TFR2: variants seen among roughly 807,000 people sequenced by gnomAD.
The protein encoded by TFR2 is transferrin receptor 2.
A neutral mutation model predicts 91.9 loss-of-function variants in TFR2; 64 were observed. The ratio of observed to expected loss-of-function variants is 0.70; its 90% CI spans 0.57 to 0.86. The LOEUF (loss-of-function observed/expected upper bound fraction) is 0.86. Ranked by LOEUF, TFR2 falls within the 40% of genes least tolerant of loss-of-function variation. The probability of loss-of-function intolerance (pLI) is 0.00; values close to 1 mark genes in which losing one functional copy is unlikely to be tolerated. For missense variants in TFR2, 950 were observed against 1,080.5 expected, an observed-to-expected ratio of 0.88 and a Z score of 1.69; for synonymous variants, 454 against 459.6, an observed-to-expected ratio of 0.99 and a Z score of 0.15.
At chr7:100,623,981 G>T (rs1333490960) in intron 17 of TFR2, among the ~76,000 whole-genome samples, 1 of 150,918 alleles carries the variant, frequency 6.6e-6, no homozygotes, top group Non-Finnish European at 1.5e-5. Flanking sequence ...ACTTGAACCC[G>T]ACAGGCAGAG....
rs149160927 is a variant in TFR2, at chr7:100,637,016, A to T, written c.474-3460T>A. 1.1e-4 allele frequency among the ~76,000 whole-genome samples: 17 copies of T among 152,348 alleles called. No homozygotes were observed. In the East Asian group the frequency reaches 3.3e-3, roughly 29 times the overall value. ...CACCATGGCTTACGCCTGTAATCCAAGAAATTTGGGAGGCCAAGGTAGGAG... is the reference window on the plus strand; with the variant it reads ...CACCATGGCTTACGCCTGTAATCCATGAAATTTGGGAGGCCAAGGTAGGAG... On this transcript the variant is annotated intron_variant, in intron 3 of 17. Coordinates refer to ENST00000223051, the MANE Select transcript of TFR2 (RefSeq NM_003227.4).
chr7:100,628,286 G>T lies in TFR2; in HGVS notation c.1411C>A (p.Leu471Ile). Residue 471 changes from leucine to isoleucine, a missense_variant, in exon 11 of 18, where the codon CTC becomes ATC. Leu to Ile is a conservative substitution (Grantham distance 5, BLOSUM62 2). Coordinates refer to ENST00000223051, the MANE Select transcript of TFR2 (RefSeq NM_003227.4). ...VSNGFRPRRS[L>I]LFISWDGGDF... ...CCACCGTCCCAGCTGATGAAGAGGAGACTTCTGCGGGGCCGGAAGCCTGGG... is the reference window on the plus strand; with the variant it reads ...CCACCGTCCCAGCTGATGAAGAGGATACTTCTGCGGGGCCGGAAGCCTGGG... The T allele has an allele frequency of 6.2e-7, 1 of 1,613,938 alleles. No individual in the cohort carries two copies. Among genetic ancestry groups the T allele is most frequent in the South Asian group, 1.1e-5 (1 of 91,072 alleles).
At chr7:100,629,053 G>A (rs1803352650) in intron 10 of TFR2, among the ~76,000 whole-genome samples, 200 bp downstream of exon 10, 1 of 152,162 alleles carries the variant, frequency 6.6e-6, no homozygotes, top group Admixed American at 6.5e-5. Flanking sequence ...GTGAGCTACC[G>A]CACCCGGCCT....
Position 100,630,856 on chromosome 7 carries a change from C to G in TFR2, c.1270+33G>C. ...GGGCAGAAATTCCCCCAGCCCACCACCAGCTGTGAGTGATACTGGACACAC... is the reference window on the plus strand; with the variant it reads ...GGGCAGAAATTCCCCCAGCCCACCAGCAGCTGTGAGTGATACTGGACACAC... On this transcript the variant is annotated intron_variant, in intron 9 of 17. Transcript: ENST00000223051. 5.0e-6 allele frequency: 8 copies of G among 1,611,806 alleles called. No homozygotes were observed. In the South Asian group the frequency reaches 7.7e-5, roughly 16 times the overall value.
chr7:100,624,094 C>G (rs1373262244), intron 17 of TFR2, among the ~76,000 whole-genome samples: 1 of 151,724 alleles, frequency 6.6e-6, no homozygotes, highest in Non-Finnish European at 1.5e-5. Flanking sequence ...ATAAAAACTC[C>G]CCTTTGCTCA....
At position 100,633,302 on chromosome 7, in the gene TFR2, C is replaced by A. The variant is rs766505565; in HGVS notation, c.653G>T (p.Gly218Val). ...PNTLHWVDEA[G>V]KVGEQLPLED... ...CAGCGGCAGCTGCTCTCCGACCTTC[C>A]CGGCCTCATCGACCCAGTGCAGGGT... Residue 218 changes from glycine to valine, a missense_variant, in exon 5 of 18, where the codon GGG becomes GTG. By Grantham distance (109) the Gly-to-Val change is moderately radical. Transcript: ENST00000223051. 4 of 1,613,580 alleles carry A rather than the reference C, an allele frequency of 2.5e-6. No individual in the cohort carries two copies. In the South Asian group the frequency reaches 4.4e-5, roughly 18 times the overall value.
intron 17 of TFR2, among the ~76,000 whole-genome samples, chr7:100,621,356 C>T (rs577796164): frequency 6.6e-6 from 1 of 152,248 alleles, no homozygotes; most frequent in African/African-American, 2.4e-5. Flanking sequence ...AGCGTTCAAG[C>T]GATTCTCCTG....
chr7:100,636,170 CTTTTTT>C (rs10584926), intron 3 of TFR2, among the ~76,000 whole-genome samples: 2 of 85,732 alleles, frequency 2.3e-5, no homozygotes, highest in African/African-American at 5.0e-5. Context: ...CACCCTGCAT[CTTTTTT>C]TTTTTTTTTT....
chr7:100,633,639 C>T lies in TFR2; in HGVS notation c.474-83G>A, dbSNP rs527732744. Reference sequence around the variant, plus strand: ...GAAGGATGCCAGAGACGTGGGGTCGCCAGGGGCAGGGGCGGCGAGGGGTTC... The same window carrying T: ...GAAGGATGCCAGAGACGTGGGGTCGTCAGGGGCAGGGGCGGCGAGGGGTTC... On this transcript the variant is annotated intron_variant, in intron 3 of 17. Transcript: ENST00000223051. 6 of 1,478,022 alleles carry T rather than the reference C, an allele frequency of 4.1e-6. No individual in the cohort carries two copies. In the South Asian group the frequency reaches 7.8e-5, roughly 19 times the overall value. 91.6% of individuals were successfully genotyped at this position (1,478,022 alleles called of 1,614,324 possible). A position where few individuals can be genotyped will look rare whatever the true frequency, so the allele number is the denominator to read the frequency against.
At chr7:100,638,207 G>A (rs1803615907) in intron 3 of TFR2, among the ~76,000 whole-genome samples, 1 of 151,974 alleles carries the variant, frequency 6.6e-6, no homozygotes, top group Non-Finnish European at 1.5e-5. Context: ...GTTTCACCAT[G>A]TTAGCCAGGA....
At chr7:100,635,231 C>T (rs1338564309) in intron 3 of TFR2, among the ~76,000 whole-genome samples, 1 of 151,282 alleles carries the variant, frequency 6.6e-6, no homozygotes, top group Non-Finnish European at 1.5e-5. Context: ...TGAGCCATGG[C>T]GCCCGGCCCC....
chr7:100,625,699 C>CA (rs1803234982), intron 17 of TFR2, among the ~76,000 whole-genome samples: 1 of 151,980 alleles, frequency 6.6e-6, no homozygotes, highest in Admixed American at 6.6e-5. Flanking sequence ...GCCTGGGCAA[C>CA]ATGGTAAAAC....
At chr7:100,626,253 G>A (rs1029429664) in intron 17 of TFR2, among the ~76,000 whole-genome samples, 9 of 152,104 alleles carry the variant, frequency 5.9e-5, no homozygotes, top group Non-Finnish European at 1.5e-5. Context: ...GATTGGTGAG[G>A]GAATAAGCTC....
chr7:100,629,111 G>GGC, intron 10 of TFR2, 142 bp downstream of exon 10: 1 of 1,121,746 alleles, frequency 8.9e-7, no homozygotes, highest in African/African-American at 1.5e-5. Context: ...ACTGGCCCAG[G>GGC]GCCACTCAGG....
At chr7:100,621,725 C>T (rs1803117788) in intron 17 of TFR2, among the ~76,000 whole-genome samples, 1 of 152,188 alleles carries the variant, frequency 6.6e-6, no homozygotes, top group South Asian at 2.1e-4. Flanking sequence ...CCAATGTCCA[C>T]AGCCCAGAGA....
In TFR2 at chr7:100,634,945, C is replaced by CT. The variant is rs764317596; in HGVS notation, c.474-1390dup. ...TCTTTTCTTTTTTCTTTCTTTCTTT[C>CT]TTTTTTTTTTTGAGACGGAGTCTCG... On this transcript the variant is annotated intron_variant, in intron 3 of 17. Transcript: ENST00000223051. Among the ~76,000 whole-genome samples, 387 of 147,460 alleles carry CT rather than the reference C, an allele frequency of 2.6e-3. 1 individual carries two copies. The highest frequency in any genetic ancestry group is 7.3e-3 in the East Asian group (37 of 5,068).
intron 3 of TFR2, chr7:100,633,782 C>T: frequency 1.6e-6 from 1 of 640,596 alleles, no homozygotes; most frequent in Non-Finnish European, 2.3e-6. Flanking sequence ...AATCTCGGCT[C>T]TCTGCAACTT....
At position 100,627,396 on chromosome 7, in the gene TFR2, G is replaced by A. The variant is rs374489702; in HGVS notation, c.1863C>T (p.Ala621=). ...LQGRLPAVAQ[A]VAQLAGQLLI... ...GGAGCTGCCCTGCGAGCTGGGCCACGGCCTGGGCCACGGCGGGCAGGCGGC... is the reference window on the plus strand; with the variant it reads ...GGAGCTGCCCTGCGAGCTGGGCCACAGCCTGGGCCACGGCGGGCAGGCGGC... The change falls in exon 16 of 18, where the codon GCC becomes GCT. Residue 621 remains alanine, a synonymous_variant. Transcript: ENST00000223051. 1.1e-4 allele frequency: 172 copies of A among 1,564,140 alleles called. No homozygotes were observed. The highest frequency in any genetic ancestry group is 4.7e-4 in the East Asian group (20 of 42,116).
At position 100,620,901 on chromosome 7, in the gene TFR2, T is replaced by G; in HGVS notation, c.2362A>C (p.Asn788His). 6.2e-7 allele frequency: 1 copy of G among 1,614,056 alleles called. No homozygotes were observed. Among genetic ancestry groups the G allele is most frequent in the Non-Finnish European group, 8.5e-7 (1 of 1,179,876 alleles). The change falls in exon 18 of 18, where the codon AAT becomes CAT. Residue 788 changes from asparagine (N) to histidine (H), a missense_variant. Asn to His is a moderately conservative substitution (Grantham distance 68). Coordinates refer to ENST00000223051, the MANE Select transcript of TFR2 (RefSeq NM_003227.4). ...LLTWTLQGAA[N>H]ALSGDVWNID... is the part of the protein sequence containing the mutation. Reference sequence around the variant, plus strand: ...TTCCAGACATCCCCGCTAAGCGCATTGGCTGCCCCTTGCAGCGTCCAGGTG... The same window carrying G: ...TTCCAGACATCCCCGCTAAGCGCATGGGCTGCCCCTTGCAGCGTCCAGGTG...
Sources: allele counts gnomAD v4.1 joint callset (sites outside exome capture counted in the v4.1 genomes callset), GRCh38; gene constraint gnomAD v4.1.1; transcripts MANE v1.5; gene names NCBI Gene and HGNC (gene_info 2026-07-23, HGNC 2026-07-21).